AFAP1L2: variants seen among roughly 807,000 people sequenced by gnomAD.
AFAP1L2 encodes the protein actin filament-associated protein 1-like 2.
A neutral mutation model predicts 99.3 loss-of-function variants in AFAP1L2; 46 were observed. The observed-to-expected ratio is 0.46, with a 90% CI of 0.37 to 0.59. AFAP1L2 has a LOEUF of 0.59. Ranked by LOEUF, AFAP1L2 falls within the 20% of genes least tolerant of loss-of-function variation. The probability of loss-of-function intolerance (pLI) is 0.00; values close to 1 mark genes in which losing one functional copy is unlikely to be tolerated. For missense variants in AFAP1L2, 959 were observed against 1,034.9 expected, an observed-to-expected ratio of 0.93 and a Z score of 1.01; for synonymous variants, 397 against 419.1, an observed-to-expected ratio of 0.95 and a Z score of 0.64.
At chr10:114,395,859 C>T (rs2057654720) in intron 1 of AFAP1L2, among the ~76,000 whole-genome samples, 1 of 148,498 alleles carries the variant, frequency 6.7e-6, no homozygotes, top group South Asian at 2.1e-4. Flanking sequence ...CCAAACCCGA[C>T]CCTTCTTAGG....
intron 1 of AFAP1L2, among the ~76,000 whole-genome samples, chr10:114,360,538 T>C (rs1297684769): frequency 0.05 from 6,971 of 140,212 alleles, 366 homozygotes; most frequent in African/African-American, 0.16. Flanking sequence ...GATAGATAGA[T>C]AGATAGATAG....
Position 114,323,239 on chromosome 10 carries a change from G to A in AFAP1L2, c.338C>T (p.Ala113Val). 6.3e-7 allele frequency: 1 copy of A among 1,598,752 alleles called. No homozygotes were observed. Among genetic ancestry groups the A allele is most frequent in the Non-Finnish European group, 8.5e-7 (1 of 1,171,574 alleles). ...PKMIPERKQLAIPKTESPEGY... is the reference protein window; with the variant it reads ...PKMIPERKQLVIPKTESPEGY... ...CTCTGGAGACTCCGTCTTTGGGATG[G>A]CAAGCTGTTTCCGTTCTGGAATCTG... The change falls in exon 5 of 19, where the codon GCC becomes GTC. Residue 113 changes from alanine (A) to valine (V), a missense_variant. Transcript: ENST00000304129.
intron 4 of AFAP1L2, among the ~76,000 whole-genome samples, chr10:114,327,173 A>ATATATATATATAT (rs1491191152): frequency 5.3e-5 from 1 of 18,700 alleles, no homozygotes; most frequent in African/African-American, 1.1e-4. Flanking sequence ...ATATATATAT[A>ATATATATATATAT]TTTTTTTTTT....
intron 1 of AFAP1L2, among the ~76,000 whole-genome samples, chr10:114,390,620 C>T (rs1310858467): frequency 6.7e-6 from 1 of 149,540 alleles, no homozygotes; most frequent in Non-Finnish European, 1.5e-5. Context: ...ACTCAGGAGG[C>T]TGAGGTAGGA....
intron 1 of AFAP1L2, chr10:114,363,032 G>A (rs1328863054): frequency 1.0e-6 from 1 of 985,440 alleles, no homozygotes; most frequent in African/African-American, 1.7e-5. Context: ...GCCCACCAGA[G>A]AGGACTGTGC....
intron 5 of AFAP1L2, 84 bp from the exon 6 acceptor site, chr10:114,315,849 G>A: frequency 7.4e-7 from 1 of 1,356,616 alleles, no homozygotes; most frequent in East Asian, 2.5e-5. Flanking sequence ...CAGCAGGCAG[G>A]AGCAGCAGCA....
chr10:114,373,379 A>C (rs913679084), intron 1 of AFAP1L2, among the ~76,000 whole-genome samples: 1 of 152,078 alleles, frequency 6.6e-6, no homozygotes, highest in African/African-American at 2.4e-5. Flanking sequence ...TGATCTCAGC[A>C]CTTTGGGAGG....
At chr10:114,387,456 T>TA (rs2056644841) in intron 1 of AFAP1L2, among the ~76,000 whole-genome samples, 4 of 152,150 alleles carry the variant, frequency 2.6e-5, no homozygotes, top group Admixed American at 2.0e-4. Context: ...GCAAAGGCTG[T>TA]AGGCATCAGA....
intron 7 of AFAP1L2, 101 bp from the exon 8 acceptor site, chr10:114,310,544 G>A (rs1251677609): frequency 9.9e-7 from 1 of 1,013,634 alleles, no homozygotes; most frequent in East Asian, 2.5e-5. Context: ...GAGAGTGGGT[G>A]GAGGTGAGAG....
At chr10:114,300,806 C>T in intron 13 of AFAP1L2, 116 bp from the exon 14 acceptor site, 1 of 1,401,030 alleles carries the variant, frequency 7.1e-7, no homozygotes, top group Middle Eastern at 1.9e-4. Context: ...TCCAAGAGAT[C>T]TCCCTCCCTG....
intron 1 of AFAP1L2, among the ~76,000 whole-genome samples, chr10:114,387,705 C>G (rs778969887): frequency 2.0e-5 from 3 of 152,172 alleles, no homozygotes; most frequent in Admixed American, 2.0e-4. Flanking sequence ...CTGATATGAA[C>G]CCAATCTGCA....
At chr10:114,352,234 G>C (rs1375215716) in intron 1 of AFAP1L2, among the ~76,000 whole-genome samples, 3 of 152,046 alleles carry the variant, frequency 2.0e-5, no homozygotes. Context: ...CACTTTGGGC[G>C]GCCAAGGAAG....
Position 114,297,059 on chromosome 10 carries a change from T to C in AFAP1L2, c.2349A>G (p.Pro783=). Residue 783 remains proline, a synonymous_variant, in exon 18 of 19, where the codon CCA becomes CCG. Coordinates refer to ENST00000304129, the MANE Select transcript of AFAP1L2 (RefSeq NM_001001936.3). ...VTPASAPDCT[P]VNSATTLKNR... is the part of the protein sequence containing the mutation. ...TCTTGAGTGTGGTTGCAGAGTTGACTGGGGTACAGTCTGGGGCAGAGGCAG... is the reference window on the plus strand; with the variant it reads ...TCTTGAGTGTGGTTGCAGAGTTGACCGGGGTACAGTCTGGGGCAGAGGCAG... 2 of 1,613,990 alleles carry C rather than the reference T, an allele frequency of 1.2e-6. No individual in the cohort carries two copies. Among genetic ancestry groups the C allele is most frequent in the South Asian group, 1.1e-5 (1 of 91,052 alleles).
At chr10:114,397,401 G>C (rs1407899563) in intron 1 of AFAP1L2, among the ~76,000 whole-genome samples, 1 of 152,180 alleles carries the variant, frequency 6.6e-6, no homozygotes, top group African/African-American at 2.4e-5. Context: ...TAGCATACTG[G>C]TGTGTATCAC....
In AFAP1L2 at chr10:114,326,166, T is replaced by C. The variant is rs557909472; in HGVS notation, c.316-2905A>G. The C allele has an allele frequency of 1.1e-4, 66 of 623,002 alleles. No individual in the cohort carries two copies. In the South Asian group the frequency reaches 1.4e-3, roughly 14 times the overall value. The allele number at this position is 623,002 out of a possible 1,614,324, so 38.6% of individuals were successfully genotyped here. On this transcript the variant is annotated intron_variant, in intron 4 of 18. Coordinates refer to ENST00000304129, the MANE Select transcript of AFAP1L2 (RefSeq NM_001001936.3). ...TCTAGGGTGGAGCCAGGCAGTGTTT[T>C]GTGAGTGTCTCCTAAGCTTCTGTTG...
Position 114,396,005 on chromosome 10 carries a change from T to C in AFAP1L2, c.16+8435A>G, listed in dbSNP as rs1239926222. Among the ~76,000 whole-genome samples, 4 of 152,240 alleles carry C rather than the reference T, an allele frequency of 2.6e-5. No homozygotes were observed. The East Asian group carries it at 7.7e-4, about 29-fold the overall frequency. ...AGACAATTAGAACTAAGGATTGCAC[T>C]GGCTATGAGTCTGTAATTCTTCCAG... On this transcript the variant is annotated intron_variant, in intron 1 of 18. Coordinates refer to ENST00000304129, the MANE Select transcript of AFAP1L2 (RefSeq NM_001001936.3).
the AFAP1L2 span, among the ~76,000 whole-genome samples, chr10:114,282,777 G>T: frequency 6.6e-6 from 1 of 152,192 alleles, no homozygotes; most frequent in Non-Finnish European, 1.5e-5. Context: ...GCGGCTTTGG[G>T]ATTACTCCCC....
chr10:114,327,797 A>G (rs1177671968), intron 4 of AFAP1L2, among the ~76,000 whole-genome samples: 3 of 152,204 alleles, frequency 2.0e-5, no homozygotes, highest in Non-Finnish European at 4.4e-5. Flanking sequence ...CCTGGCTTAG[A>G]CTAGACACAA....
intron 1 of AFAP1L2, among the ~76,000 whole-genome samples, chr10:114,353,427 G>C (rs1368965434): frequency 6.6e-6 from 1 of 152,216 alleles, no homozygotes; most frequent in Non-Finnish European, 1.5e-5. Flanking sequence ...AACTGAGAGT[G>C]AACTACTAGC....
Sources: gnomAD v4.1 joint callset for allele counts (sites outside exome capture counted in the v4.1 genomes callset) on GRCh38, gnomAD v4.1.1 for gene constraint, MANE v1.5 for transcripts, NCBI Gene and HGNC (gene_info 2026-07-23, HGNC 2026-07-21) for gene names.